The following C12orf56 variants were observed in gnomAD, a reference collection of about 807,000 sequenced individuals.
C12orf56 encodes uncharacterized protein C12orf56.
A neutral mutation model predicts 69.9 loss-of-function variants in C12orf56; 71 were observed. The ratio of observed to expected loss-of-function variants is 1.02; its 90% CI spans 0.84 to 1.24. The LOEUF (loss-of-function observed/expected upper bound fraction) is 1.24. Ranked by LOEUF, C12orf56 falls within the 50% of genes most tolerant of loss-of-function variation. The pLI is 0.00. For synonymous variants in C12orf56, 276 were observed against 274.1 expected (o/e 1.01, Z -0.07); for missense variants, 732 against 738.5 (o/e 0.99, Z 0.10).
rs1483582212 is a variant in C12orf56 at position 64,277,009 on chromosome 12, A to AAAAAAAAAC, written c.1434+670_1434+671insGTTTTTTTT. The stretch of plus-strand genomic sequence containing the variant: ...ACCCTTTCTTAAAAAAAAAAAAAAA[A>AAAAAAAAAC]AAAAAAATTACTGAGTGAATGACTG... On this transcript the variant is annotated intron_variant, in intron 9 of 12. Coordinates refer to ENST00000543942, the MANE Select transcript of C12orf56 (RefSeq NM_001170633.2). 2.0e-5 allele frequency among the ~76,000 whole-genome samples: 3 copies of AAAAAAAAAC among 149,596 alleles called. 1 individual carries two copies. The highest frequency in any genetic ancestry group is 4.5e-5 in the Non-Finnish European group (3 of 67,232).
chr12:64,277,476 T>C (rs923949199), intron 9 of C12orf56, among the ~76,000 whole-genome samples: 1 of 152,132 alleles, frequency 6.6e-6, no homozygotes, highest in East Asian at 1.9e-4. Context: ...TGAATAGTTA[T>C]TTTTTCCTTT....
At chr12:64,273,838 A>T (rs1414322710) in intron 11 of C12orf56, among the ~76,000 whole-genome samples, 2 of 152,162 alleles carry the variant, frequency 1.3e-5, no homozygotes, top group Non-Finnish European at 2.9e-5. Flanking sequence ...ATCACATTTC[A>T]TTAGCCAAAG....
At chr12:64,312,384 A>T (rs1397599409) in intron 5 of C12orf56, among the ~76,000 whole-genome samples, 2 of 152,130 alleles carry the variant, frequency 1.3e-5, no homozygotes, top group African/African-American at 4.8e-5. Context: ...AGGCAGGAGG[A>T]TCACCTGAGG....
chr12:64,300,486 C>G (rs908079546), intron 6 of C12orf56, among the ~76,000 whole-genome samples: 3 of 152,150 alleles, frequency 2.0e-5, no homozygotes, highest in Non-Finnish European at 4.4e-5. Flanking sequence ...TACTTCAGTT[C>G]TCCTACCTAG....
At chr12:64,335,663 T>C (rs1386805202) in intron 2 of C12orf56, among the ~76,000 whole-genome samples, 1 of 152,198 alleles carries the variant, frequency 6.6e-6, no homozygotes. Flanking sequence ...GTGCTAATTG[T>C]GACCCATGTA....
chr12:64,379,485 A>T (rs1020695432), intron 1 of C12orf56, among the ~76,000 whole-genome samples: 3 of 151,600 alleles, frequency 2.0e-5, no homozygotes, highest in Non-Finnish European at 4.4e-5. Context: ...ACGGGATTTC[A>T]CGGTGTTATC....
At chr12:64,310,500 A>C (rs1485220386) in intron 5 of C12orf56, among the ~76,000 whole-genome samples, 1 of 152,196 alleles carries the variant, frequency 6.6e-6, no homozygotes, top group Non-Finnish European at 1.5e-5. Context: ...GTTACGGTTC[A>C]TGGAGGAAAG....
At chr12:64,320,319 T>A (rs1233630890) in intron 3 of C12orf56, among the ~76,000 whole-genome samples, 1 of 152,112 alleles carries the variant, frequency 6.6e-6, no homozygotes, top group African/African-American at 2.4e-5. Context: ...TTGGGAGCTC[T>A]GGGAGCAAGG....
At chr12:64,316,273 T>C (rs1225249164) in intron 4 of C12orf56, among the ~76,000 whole-genome samples, 2 of 152,000 alleles carry the variant, frequency 1.3e-5, no homozygotes, top group Admixed American at 6.6e-5. Context: ...TTGTATTTTT[T>C]GTAGAGATGG....
At chr12:64,284,535 A>G in intron 8 of C12orf56, 129 bp downstream of exon 8, 1 of 588,632 alleles carries the variant, frequency 1.7e-6, no homozygotes, top group South Asian at 3.2e-5. Context: ...GAGAAAAACA[A>G]AAGAGTGAAA....
intron 5 of C12orf56, among the ~76,000 whole-genome samples, chr12:64,305,997 C>T (rs2136810020): frequency 6.6e-6 from 1 of 152,210 alleles, no homozygotes; most frequent in Admixed American, 6.5e-5. Flanking sequence ...CTAAGATCCG[C>T]AACAAAAATA....
At chr12:64,319,046 G>A (rs1420148140) in intron 3 of C12orf56, 66 bp from the exon 4 acceptor site, 7 of 1,351,856 alleles carry the variant, frequency 5.2e-6, no homozygotes, top group Admixed American at 5.9e-5. Flanking sequence ...AAAGAGAACC[G>A]GTAGTTTAAG....
intron 3 of C12orf56, among the ~76,000 whole-genome samples, chr12:64,329,670 TC>T (rs2038902829): frequency 1.3e-5 from 1 of 79,566 alleles, no homozygotes; most frequent in South Asian, 5.4e-4. Flanking sequence ...ATGCTATCCC[TC>T]CCCCCTCCCC....
In C12orf56 at chr12:64,265,146, T is replaced by C. The variant is rs2037908448; in HGVS notation, c.*2037A>G. On this transcript the variant is annotated 3_prime_UTR_variant, in exon 13 of 13. Coordinates refer to ENST00000543942, the MANE Select transcript of C12orf56 (RefSeq NM_001170633.2). ...TGCGGGTTCATCAGTACATTCTTTG[T>C]CCGGTTTGAGGTAATACTTGCCTAT... is the stretch of plus-strand genomic sequence containing the variant. 1 of 152,232 alleles carries C rather than the reference T, an allele frequency of 6.6e-6. No homozygotes were observed. Among genetic ancestry groups the C allele is most frequent in the Admixed American group, 6.5e-5 (1 of 15,270 alleles). The allele number at this position is 152,232 out of a possible 1,614,324, so 9.4% of individuals were successfully genotyped here.
At chr12:64,299,587 A>G (rs1426010914) in intron 6 of C12orf56, among the ~76,000 whole-genome samples, 1 of 152,204 alleles carries the variant, frequency 6.6e-6, no homozygotes, top group Non-Finnish European at 1.5e-5. Flanking sequence ...TGGAATATGC[A>G]TGCATTGTGT....
At chr12:64,272,606 C>A (rs1301749923) in intron 11 of C12orf56, among the ~76,000 whole-genome samples, 1 of 152,050 alleles carries the variant, frequency 6.6e-6, no homozygotes, top group Non-Finnish European at 1.5e-5. Flanking sequence ...TAAAAAGAAA[C>A]TTTCCTGTTA....
chr12:64,280,030 C>T (rs1382308894), intron 8 of C12orf56, among the ~76,000 whole-genome samples: 6 of 152,060 alleles, frequency 3.9e-5, no homozygotes, highest in Non-Finnish European at 1.5e-5. Flanking sequence ...TCAACCCTAA[C>T]AATACTAGGA....
At chr12:64,315,698 G>A (rs1297407324) in intron 4 of C12orf56, among the ~76,000 whole-genome samples, 3 of 152,130 alleles carry the variant, frequency 2.0e-5, no homozygotes, top group Non-Finnish European at 4.4e-5. Flanking sequence ...TTGGGAGGCC[G>A]AGGCAGGCAG....
chr12:64,300,769 A>G (rs977845464), intron 6 of C12orf56, among the ~76,000 whole-genome samples: 6 of 152,118 alleles, frequency 3.9e-5, no homozygotes, highest in Non-Finnish European at 7.3e-5. Context: ...TGTAGAGATC[A>G]CTCTCACCTT....
Sources: gnomAD v4.1 joint callset for allele counts (sites outside exome capture counted in the v4.1 genomes callset) on GRCh38, gnomAD v4.1.1 for gene constraint, MANE v1.5 for transcripts, NCBI Gene and HGNC (gene_info 2026-07-23, HGNC 2026-07-21) for gene names.